Variants in LTBP1 observed in about 807,000 individuals in gnomAD.
LTBP1 encodes the protein latent-transforming growth factor beta-binding protein 1.
In LTBP1, 129 loss-of-function variants were observed where a neutral mutation model predicts 207.6. The ratio of observed to expected loss-of-function variants is 0.62; its 90% CI spans 0.54 to 0.72. The LOEUF is 0.72. Ranked by LOEUF, LTBP1 falls within the 30% of genes least tolerant of loss-of-function variation. The pLI, the probability that LTBP1 is intolerant of heterozygous loss-of-function variation, is 0.00. For missense variants in LTBP1, 2,281 were observed against 2,217.2 expected (o/e 1.03, Z -0.58); for synonymous variants, 963 against 833.7 (o/e 1.16, Z -2.67).
chr2:33,082,971 C>T, intron 3 of LTBP1, among the ~76,000 whole-genome samples: 1 of 152,000 alleles, frequency 6.6e-6, no homozygotes, highest in South Asian at 2.1e-4. Flanking sequence ...GGCCCTTGGG[C>T]TCTTTGCTGT....
At chr2:33,214,108 A>G (rs966837369) in intron 7 of LTBP1, among the ~76,000 whole-genome samples, 1 of 152,240 alleles carries the variant, frequency 6.6e-6, no homozygotes, top group Non-Finnish European at 1.5e-5. Context: ...AGATGAACCT[A>G]AAGAGTCCAG....
Position 32,947,600 on chromosome 2 carries a change from C to A in LTBP1, c.276C>A (p.Gly92=), listed in dbSNP as rs1461729779. Reference sequence around the variant, plus strand: ...CCCGGCGCACGAGCAAGCCGGGCGGCGCGGCCCTGCAGGGGCTCAGACCGC... The same window carrying A: ...CCCGGCGCACGAGCAAGCCGGGCGGAGCGGCCCTGCAGGGGCTCAGACCGC... ...ERTRRTSKPG[G]AALQGLRPPP... Residue 92 remains glycine, a synonymous_variant, in exon 1 of 34, where the codon GGC becomes GGA. Transcript: ENST00000404816. 7.6e-7 allele frequency: 1 copy of A among 1,311,796 alleles called. No homozygotes were observed. 81.3% of individuals were successfully genotyped at this position (1,311,796 alleles called of 1,614,324 possible).
At position 33,273,658 on chromosome 2, in the gene LTBP1, A is replaced by G; in HGVS notation, c.2620A>G (p.Ile874Val). 1 of 1,599,386 alleles carries G rather than the reference A, an allele frequency of 6.3e-7. No homozygotes were observed. The highest frequency in any genetic ancestry group is 1.1e-5 in the South Asian group (1 of 87,526). The change falls in exon 16 of 34, where the codon ATC (isoleucine) becomes GTC (valine). Residue 874 changes from isoleucine (I) to valine (V), a missense_variant and splice_region_variant. Around this residue, in one of 3 missense-constraint regions of LTBP1, gnomAD observed 1,671 missense variants for 1,634.8 expected, o/e 1.02. Transcript: ENST00000404816. ...CATTATTTTATTTACTTTTAAAGAAATCAATGAATGTACTGTGAACCCTGA... is the reference window on the plus strand; with the variant it reads ...CATTATTTTATTTACTTTTAAAGAAGTCAATGAATGTACTGTGAACCCTGA... ...QVIAPTQVTE[I>V]NECTVNPDIC... is the part of the protein sequence containing the mutation.
At chr2:33,005,481 C>T (rs1354291242) in intron 2 of LTBP1, among the ~76,000 whole-genome samples, 1 of 152,138 alleles carries the variant, frequency 6.6e-6, no homozygotes, top group African/African-American at 2.4e-5. Context: ...GTGTTGCTGC[C>T]TGACCTTCCT....
chr2:33,094,552 C>T (rs992380032), intron 3 of LTBP1, among the ~76,000 whole-genome samples: 1 of 152,202 alleles, frequency 6.6e-6, no homozygotes, highest in Non-Finnish European at 1.5e-5. Context: ...GAAGTTACAA[C>T]TGGCCTCCTT....
intron 2 of LTBP1, 146 bp downstream of exon 2, chr2:32,949,091 A>G (rs112352267): frequency 2.7e-6 from 2 of 743,390 alleles, no homozygotes; most frequent in Non-Finnish European, 4.7e-6. Flanking sequence ...ATTACCACCT[A>G]GGAAGGGCTG....
In LTBP1 at chr2:33,219,257, C is replaced by G. The variant is rs1463747331; in HGVS notation, c.1804+1603C>G. ...ACATTTTCAGTACTGAGAGAATTTTCCAAGCAGATGTTCTAAGCTGATTCG... is the reference window on the plus strand; with the variant it reads ...ACATTTTCAGTACTGAGAGAATTTTGCAAGCAGATGTTCTAAGCTGATTCG... On this transcript the variant is annotated intron_variant, in intron 8 of 33. Coordinates refer to ENST00000404816, the MANE Select transcript of LTBP1 (RefSeq NM_206943.4). Among the ~76,000 whole-genome samples, 10 of 152,088 alleles carry G rather than the reference C, an allele frequency of 6.6e-5. No individual in the cohort carries two copies. In the East Asian group the frequency reaches 1.9e-3, roughly 29 times the overall value.
At chr2:33,393,521 T>C (rs2095334273) in intron 32 of LTBP1, among the ~76,000 whole-genome samples, 1 of 145,392 alleles carries the variant, frequency 6.9e-6, no homozygotes, top group South Asian at 2.3e-4. Context: ...AATTCCCACC[T>C]ATGAGTGAGA....
intron 2 of LTBP1, among the ~76,000 whole-genome samples, chr2:33,010,969 C>G (rs377329581): frequency 1.2e-4 from 19 of 152,196 alleles, no homozygotes; most frequent in African/African-American, 4.1e-4. Context: ...CTGCCTGCCT[C>G]GACCTCCCAA....
At chr2:32,994,715 C>T (rs1377895082) in intron 2 of LTBP1, among the ~76,000 whole-genome samples, 1 of 152,180 alleles carries the variant, frequency 6.6e-6, no homozygotes, top group Admixed American at 6.5e-5. Flanking sequence ...GATCCACCCA[C>T]CTCGCCCTCC....
At chr2:33,365,539 T>C in intron 31 of LTBP1, 36 bp downstream of exon 31, 2 of 1,599,454 alleles carry the variant, frequency 1.3e-6, no homozygotes, top group Non-Finnish European at 1.7e-6. Context: ...CAGGAGGCCT[T>C]TGGGGACAAG....
chr2:33,233,486 C>G (rs983489795), intron 9 of LTBP1, among the ~76,000 whole-genome samples: 17 of 152,116 alleles, frequency 1.1e-4, no homozygotes, highest in African/African-American at 3.9e-4. Flanking sequence ...AAATTATTCT[C>G]ATCTAGAGAA....
chr2:33,345,226 G>C (rs1389730323), intron 25 of LTBP1, among the ~76,000 whole-genome samples: 1 of 152,170 alleles, frequency 6.6e-6, no homozygotes, highest in Non-Finnish European at 1.5e-5. Context: ...AAGGTCTGCT[G>C]TTCCATGCTT....
intron 31 of LTBP1, among the ~76,000 whole-genome samples, chr2:33,374,690 C>T (rs541692878): frequency 6.6e-6 from 1 of 152,294 alleles, no homozygotes; most frequent in East Asian, 1.9e-4. Context: ...CACAGTGGCT[C>T]ACGCCTGTAA....
At chr2:33,157,404 A>G (rs1306091243) in intron 5 of LTBP1, among the ~76,000 whole-genome samples, 2 of 152,208 alleles carry the variant, frequency 1.3e-5, no homozygotes, top group African/African-American at 4.8e-5. Flanking sequence ...AGGAGTAAGC[A>G]TTTTGTAGAA....
chr2:33,071,319 G>C (rs1269324137), intron 3 of LTBP1, among the ~76,000 whole-genome samples: 1 of 152,188 alleles, frequency 6.6e-6, no homozygotes, highest in African/African-American at 2.4e-5. Flanking sequence ...ATGAGAATGT[G>C]GACAAAGTAG....
chr2:33,006,032 C>A (rs776778514), intron 2 of LTBP1, among the ~76,000 whole-genome samples: 9 of 152,128 alleles, frequency 5.9e-5, no homozygotes, highest in Non-Finnish European at 1.2e-4. Context: ...AGAAGCCTGT[C>A]CCTAATCATT....
intron 23 of LTBP1, 101 bp downstream of exon 23, chr2:33,309,657 T>C: frequency 7.5e-7 from 1 of 1,333,808 alleles, no homozygotes; most frequent in Non-Finnish European, 1.0e-6. Flanking sequence ...GATTTATATG[T>C]AAATAATTTA....
chr2:33,173,949 TCAA>T (rs1321854327), intron 5 of LTBP1, among the ~76,000 whole-genome samples: 6 of 140,466 alleles, frequency 4.3e-5, no homozygotes, highest in African/African-American at 1.5e-4. Flanking sequence ...TTGACAAAAT[TCAA>T]CAACGCTTCA....
Sources: gnomAD v4.1 joint callset for allele counts (sites outside exome capture counted in the v4.1 genomes callset) on GRCh38, gnomAD v4.1.1 for gene constraint, gnomAD v4.1.1 regional missense constraint, MANE v1.5 for transcripts, NCBI Gene and HGNC (gene_info 2026-07-23, HGNC 2026-07-21) for gene names.